KLHL29: variants seen among roughly 807,000 people sequenced by gnomAD.
The protein encoded by KLHL29 is kelch like family member 29.
In KLHL29, 21 loss-of-function variants were observed where a neutral mutation model predicts 80.4. That is an observed-to-expected ratio of 0.26 (90% CI 0.19 to 0.38). The LOEUF (loss-of-function observed/expected upper bound fraction) is 0.38. KLHL29 is among the 10% of genes least tolerant of loss of function. KLHL29 has a pLI of 1.00. For missense variants in KLHL29, 867 were observed against 1,223.9 expected (o/e 0.71, Z 4.35); for synonymous variants, 511 against 526.8 (o/e 0.97, Z 0.41).
intron 5 of KLHL29, among the ~76,000 whole-genome samples, chr2:23,683,880 C>T (rs1459875392): frequency 2.6e-5 from 4 of 152,172 alleles, no homozygotes; most frequent in African/African-American, 4.8e-5. Flanking sequence ...TCTCCTCCCA[C>T]GCCATGGCTG....
In KLHL29 at chr2:23,655,278, A is replaced by G. The variant is rs78775824; in HGVS notation, c.940+12428A>G. Among the ~76,000 whole-genome samples, 428 of 152,354 alleles carry G rather than the reference A, an allele frequency of 2.8e-3. 14 individuals carry two copies. In the East Asian group the frequency reaches 0.063, roughly 23 times the overall value. On this transcript the variant is annotated intron_variant, in intron 5 of 13. Coordinates refer to ENST00000486442, the MANE Select transcript of KLHL29 (RefSeq NM_052920.2). ...CCTTAATCAGAGCATCGCCAATGCA[A>G]TAAAGTTAATGGAGCCAGTCATCCT...
Position 23,642,567 on chromosome 2 carries a change from C to A in KLHL29, c.657C>A (p.Val219=). 6.5e-7 allele frequency: 1 copy of A among 1,549,272 alleles called. No homozygotes were observed. Among genetic ancestry groups the A allele is most frequent in the Non-Finnish European group, 8.7e-7 (1 of 1,145,922 alleles). The part of the protein sequence containing the change: ...PPSQPLSSVV[V]NMPAQALYAS... ...CTCAGCCACTGAGCAGCGTGGTGGTCAACATGCCTGCCCAGGCCCTGTATG... is the reference window on the plus strand; with the variant it reads ...CTCAGCCACTGAGCAGCGTGGTGGTAAACATGCCTGCCCAGGCCCTGTATG... Residue 219 remains valine, a synonymous_variant, in exon 5 of 14, where the codon GTC becomes GTA. Transcript: ENST00000486442.
chr2:23,489,912 A>G (rs376047372), intron 2 of KLHL29, among the ~76,000 whole-genome samples: 1 of 152,188 alleles, frequency 6.6e-6, no homozygotes, highest in South Asian at 2.1e-4. Context: ...GGCGGGTACC[A>G]GGAGACTCCT....
At chr2:23,540,794 A>G (rs1450940462) in intron 2 of KLHL29, among the ~76,000 whole-genome samples, 1 of 152,150 alleles carries the variant, frequency 6.6e-6, no homozygotes, top group African/African-American at 2.4e-5. Context: ...GCTCTGTCCT[A>G]CAGACCGTCC....
intron 1 of KLHL29, among the ~76,000 whole-genome samples, chr2:23,463,751 G>A (rs1450915135): frequency 6.6e-6 from 1 of 152,176 alleles, no homozygotes; most frequent in African/African-American, 2.4e-5. Flanking sequence ...GGGCTTTTGT[G>A]TAGTTTAATG....
chr2:23,495,509 C>A (rs1353655380), intron 2 of KLHL29, among the ~76,000 whole-genome samples: 1 of 152,236 alleles, frequency 6.6e-6, no homozygotes, highest in African/African-American at 2.4e-5. Context: ...TACTCTTTAT[C>A]TTCTGCCCTG....
rs1572382209 is a variant in KLHL29, at chr2:23,531,344, G to A, written c.-45-30808G>A. ...CTGCCAACATGGGACCTATTTGGGG[G>A]GTGAGGCTCAGTTTTGTGATGCTCA... On this transcript the variant is annotated intron_variant, in intron 2 of 13. Coordinates refer to ENST00000486442, the MANE Select transcript of KLHL29 (RefSeq NM_052920.2). 2.0e-5 allele frequency among the ~76,000 whole-genome samples: 3 copies of A among 152,306 alleles called. No homozygotes were observed. In the South Asian group the frequency reaches 6.2e-4, roughly 32 times the overall value.
At chr2:23,430,865 A>G (rs1663152195) in intron 1 of KLHL29, among the ~76,000 whole-genome samples, 1 of 152,208 alleles carries the variant, frequency 6.6e-6, no homozygotes, top group Admixed American at 6.5e-5. Context: ...GGCAAAAAGA[A>G]TTGTCTCAGG....
intron 2 of KLHL29, among the ~76,000 whole-genome samples, chr2:23,544,235 A>T (rs997366807): frequency 3.3e-5 from 5 of 152,118 alleles, no homozygotes; most frequent in African/African-American, 1.2e-4. Flanking sequence ...AGCGTGCTTC[A>T]TTCACTCGTT....
chr2:23,517,322 A>T (rs956300472), intron 2 of KLHL29, among the ~76,000 whole-genome samples: 3 of 152,216 alleles, frequency 2.0e-5, no homozygotes, highest in African/African-American at 7.2e-5. Flanking sequence ...AGGCGGGTGG[A>T]TCATGAGGTC....
chr2:23,452,595 CTTTGTGTCCT>C (rs1034340602), intron 1 of KLHL29, among the ~76,000 whole-genome samples: 1 of 152,186 alleles, frequency 6.6e-6, no homozygotes, highest in African/African-American at 2.4e-5. Context: ...TCAGCCCCGC[CTTTGTGTCCT>C]CAGTAATTTT....
At position 23,611,462 on chromosome 2, in the gene KLHL29, T is replaced by C. The variant is rs1668870335; in HGVS notation, c.286-27677T>C. On this transcript the variant is annotated intron_variant, in intron 3 of 13. Coordinates refer to ENST00000486442, the MANE Select transcript of KLHL29 (RefSeq NM_052920.2). ...GGAGCTGCCTCTCTGCTTCAAATCCTCTGGGTTCTCCAAAATGAATTAAGG... is the reference window on the plus strand; with the variant it reads ...GGAGCTGCCTCTCTGCTTCAAATCCCCTGGGTTCTCCAAAATGAATTAAGG... 2.0e-5 allele frequency among the ~76,000 whole-genome samples: 3 copies of C among 152,330 alleles called. No homozygotes were observed. The South Asian group carries it at 6.2e-4, about 32-fold the overall frequency.
intron 1 of KLHL29, among the ~76,000 whole-genome samples, chr2:23,447,624 G>A (rs993531999): frequency 6.6e-6 from 1 of 152,124 alleles, no homozygotes; most frequent in East Asian, 1.9e-4. Context: ...GGATGACCAG[G>A]CTCCCCTGAG....
In KLHL29 at chr2:23,700,739, G is replaced by A. The variant is rs143146625; in HGVS notation, c.2106-2447G>A. 1.3e-3 allele frequency among the ~76,000 whole-genome samples: 201 copies of A among 152,232 alleles called. 1 individual carries two copies. The highest frequency in any genetic ancestry group is 4.7e-3 in the African/African-American group (195 of 41,528). On this transcript the variant is annotated intron_variant, in intron 11 of 13. Transcript: ENST00000486442. The surrounding 1 kb of genome is among the most constrained non-coding windows in gnomAD (Gnocchi z 4.6). Reference sequence around the variant, plus strand: ...ACCCACGGTCTCCACTGACACAAATGGGTTCTGCACCTCTTGTTCCGGTTG... The same window carrying A: ...ACCCACGGTCTCCACTGACACAAATAGGTTCTGCACCTCTTGTTCCGGTTG...
chr2:23,549,901 C>T (rs1212027277), intron 2 of KLHL29, among the ~76,000 whole-genome samples: 1 of 152,208 alleles, frequency 6.6e-6, no homozygotes, highest in Non-Finnish European at 1.5e-5. Flanking sequence ...CCTTTCGCCA[C>T]CCATCTTAAT....
At chr2:23,703,496 C>A in intron 12 of KLHL29, 117 bp downstream of exon 12, 1 of 1,095,524 alleles carries the variant, frequency 9.1e-7, no homozygotes. Flanking sequence ...AGACCCAGAT[C>A]TAGAGGGTGG....
intron 3 of KLHL29, among the ~76,000 whole-genome samples, chr2:23,590,988 C>A (rs566511457): frequency 3.3e-5 from 5 of 152,142 alleles, no homozygotes; most frequent in African/African-American, 1.2e-4. Flanking sequence ...GTCAGGAAAT[C>A]TCAGATGGCC....
At chr2:23,657,555 A>C (rs1670280951) in intron 5 of KLHL29, among the ~76,000 whole-genome samples, 1 of 152,228 alleles carries the variant, frequency 6.6e-6, no homozygotes, top group African/African-American at 2.4e-5. Context: ...TAGTATAAAT[A>C]TGCAGAAATC....
At chr2:23,637,182 C>T (rs61738747) in intron 3 of KLHL29, among the ~76,000 whole-genome samples, 3,170 of 152,276 alleles carry the variant, frequency 0.021, 109 homozygotes, top group African/African-American at 0.072. Flanking sequence ...GGCACAGGCT[C>T]CTTCTCCCTC....
Sources: gnomAD v4.1 joint callset for allele counts (sites outside exome capture counted in the v4.1 genomes callset) on GRCh38, gnomAD v4.1.1 for gene constraint, Gnocchi (gnomAD v3.1) non-coding constraint, MANE v1.5 for transcripts, NCBI Gene and HGNC (gene_info 2026-07-23, HGNC 2026-07-21) for gene names.